The following EIF2AK2 variants were observed in gnomAD, a reference collection of about 807,000 sequenced individuals.
The protein encoded by EIF2AK2 is eukaryotic translation initiation factor 2 alpha kinase 2.
In EIF2AK2, 40 loss-of-function variants were observed where a neutral mutation model predicts 70.5. The ratio of observed to expected loss-of-function variants is 0.57; its 90% CI spans 0.44 to 0.74. The LOEUF is 0.74. Ranked by LOEUF, EIF2AK2 falls within the 30% of genes least tolerant of loss-of-function variation. The pLI is 0.00. For missense variants in EIF2AK2, 555 were observed against 644.3 expected, an observed-to-expected ratio of 0.86 and a Z score of 1.50; for synonymous variants, 198 against 220.9, an observed-to-expected ratio of 0.90 and a Z score of 0.92.
chr2:37,155,773 T>C (rs993137116), intron 1 of EIF2AK2, among the ~76,000 whole-genome samples: 1 of 151,994 alleles, frequency 6.6e-6, no homozygotes, highest in African/African-American at 2.4e-5. Flanking sequence ...AAACCCTGTC[T>C]CTACTAAAAA....
chr2:37,122,813 T>G, intron 11 of EIF2AK2, 149 bp from the exon 12 acceptor site: 1 of 1,013,034 alleles, frequency 9.9e-7, no homozygotes, highest in East Asian at 2.6e-5. Context: ...AGCCAGGACA[T>G]TCAAAAGGAA....
chr2:37,111,424 A>T (rs1222394034), intron 14 of EIF2AK2, among the ~76,000 whole-genome samples: 1 of 145,018 alleles, frequency 6.9e-6, no homozygotes, highest in Non-Finnish European at 1.5e-5. Flanking sequence ...CTTCAGATGG[A>T]GTCTCATTCC....
rs111797250 is a variant in EIF2AK2, at chr2:37,139,496, C to T, written c.516+135G>A. The T allele has an allele frequency of 6.0e-5, 76 of 1,271,916 alleles. No homozygotes were observed. The African/African-American group carries it at 6.0e-4, about 10-fold the overall frequency. 78.8% of individuals were successfully genotyped at this position (1,271,916 alleles called of 1,614,324 possible). A position where few individuals can be genotyped will look rare whatever the true frequency, so the allele number is the denominator to read the frequency against. ...CATGGCCCCATGGTGCATGGCTCAT[C>T]GGTACGACACAGAATGGAGGAATCA... On this transcript the variant is annotated intron_variant, in intron 6 of 16. Coordinates refer to ENST00000233057, the MANE Select transcript of EIF2AK2 (RefSeq NM_001135651.3).
chr2:37,119,732 C>T (rs1170116474), intron 13 of EIF2AK2, among the ~76,000 whole-genome samples: 1 of 151,324 alleles, frequency 6.6e-6, no homozygotes. Context: ...GCTGGGATTA[C>T]AGGCGCACGC....
At chr2:37,131,811 G>T (rs1189524814) in intron 10 of EIF2AK2, among the ~76,000 whole-genome samples, 2 of 152,118 alleles carry the variant, frequency 1.3e-5, no homozygotes, top group East Asian at 1.9e-4. Flanking sequence ...AGTTGTAGAG[G>T]CTGCCCCCTT....
In EIF2AK2 at chr2:37,146,859, T is replaced by C. The variant is rs1167218920; in HGVS notation, c.234A>G (p.Glu78=). Residue 78 remains glutamate (E), a synonymous_variant, in exon 4 of 17, where the codon GAA becomes GAG. Transcript: ENST00000233057. ...AAAAAAGGCAATCACTCACCTTCTT[T>C]TCCTTATTAAGTATCTCAACAGCTA... ...AKLAVEILNK[E]KKAVSPLLLT... 1 of 1,613,366 alleles carries C rather than the reference T, an allele frequency of 6.2e-7. No individual in the cohort carries two copies. The highest frequency in any genetic ancestry group is 8.5e-7 in the Non-Finnish European group (1 of 1,179,852).
chr2:37,147,292 G>C (rs1675580497), intron 3 of EIF2AK2, among the ~76,000 whole-genome samples: 2 of 151,574 alleles, frequency 1.3e-5, no homozygotes, highest in Admixed American at 6.6e-5. Flanking sequence ...CATTTATAAG[G>C]TCATATCTTT....
rs537555915 is a variant in EIF2AK2, at chr2:37,128,748, C to A, written c.786-2337G>T. The stretch of plus-strand genomic sequence containing the variant: ...TGATTATAATAACTCCATAATAAAG[C>A]CCCTATACAAAATCCAGTGGCCAAT... On this transcript the variant is annotated intron_variant, in intron 10 of 16. Coordinates refer to ENST00000233057, the MANE Select transcript of EIF2AK2 (RefSeq NM_001135651.3). 3.9e-5 allele frequency among the ~76,000 whole-genome samples: 6 copies of A among 152,276 alleles called. No individual in the cohort carries two copies. In the South Asian group the frequency reaches 1.2e-3, roughly 32 times the overall value.
At chr2:37,150,920 T>C (rs1332824361) in intron 1 of EIF2AK2, among the ~76,000 whole-genome samples, 1 of 152,184 alleles carries the variant, frequency 6.6e-6, no homozygotes, top group African/African-American at 2.4e-5. Flanking sequence ...GGACCAAGTC[T>C]ATAGCAATGA....
At chr2:37,135,597 T>C in intron 9 of EIF2AK2, 51 bp from the exon 10 acceptor site, 1 of 1,494,406 alleles carries the variant, frequency 6.7e-7, no homozygotes, top group Non-Finnish European at 9.2e-7. Context: ...AAATCAAATA[T>C]AACTTATTTA....
At chr2:37,124,626 A>G (rs1674670624) in intron 11 of EIF2AK2, among the ~76,000 whole-genome samples, 1 of 151,734 alleles carries the variant, frequency 6.6e-6, no homozygotes, top group Non-Finnish European at 1.5e-5. Context: ...ATATATACTC[A>G]TTTCTTTACT....
At chr2:37,111,929 C>CTA (rs1674172908) in intron 14 of EIF2AK2, among the ~76,000 whole-genome samples, 1 of 134,432 alleles carries the variant, frequency 7.4e-6, no homozygotes, top group Non-Finnish European at 1.6e-5. Flanking sequence ...AAATCTCTCT[C>CTA]TCTCTCTCTC....
Position 37,114,733 on chromosome 2 carries a change from G to T in EIF2AK2, c.1375C>A (p.Gln459Lys), listed in dbSNP as rs775992056. The change falls in exon 14 of 17, where the codon CAG becomes AAG. Residue 459 changes from glutamine to lysine, a missense_variant and splice_region_variant. Gln to Lys is a moderately conservative substitution (Grantham distance 53). This residue lies in a region of EIF2AK2 where 299 missense variants were observed against 375.4 expected (regional missense o/e 0.80). Transcript: ENST00000233057. Reference sequence around the variant, plus strand: ...GACAGACAGGAAAGAGACCTTACCTGTTCTGGGCTCATGTATCGCAAAGTT... The same window carrying T: ...GACAGACAGGAAAGAGACCTTACCTTTTCTGGGCTCATGTATCGCAAAGTT... ...KGTLRYMSPE[Q>K]ISSQDYGKEV... 3 of 1,579,098 alleles carry T rather than the reference G, an allele frequency of 1.9e-6. No homozygotes were observed. The highest frequency in any genetic ancestry group is 1.9e-5 in the Admixed American group (1 of 52,638).
chr2:37,141,885 C>T (rs899842400), intron 4 of EIF2AK2, among the ~76,000 whole-genome samples, 184 bp from the exon 5 acceptor site: 1 of 152,102 alleles, frequency 6.6e-6, no homozygotes, highest in Non-Finnish European at 1.5e-5. Context: ...AGAAAAAAAT[C>T]GACGAAGATA....
intron 1 of EIF2AK2, among the ~76,000 whole-genome samples, chr2:37,149,535 G>A (rs1428369747): frequency 6.0e-5 from 9 of 148,916 alleles, no homozygotes; most frequent in Non-Finnish European, 1.0e-4. Context: ...CATGTAGGGT[G>A]TAGGCAGGTC....
At chr2:37,128,817 G>C (rs1253692955) in intron 10 of EIF2AK2, among the ~76,000 whole-genome samples, 1 of 152,164 alleles carries the variant, frequency 6.6e-6, no homozygotes, top group Admixed American at 6.5e-5. Flanking sequence ...TGCCAACAGG[G>C]AGACAATGGC....
chr2:37,142,373 T>C (rs1675365202), intron 4 of EIF2AK2, among the ~76,000 whole-genome samples: 1 of 152,166 alleles, frequency 6.6e-6, no homozygotes, highest in South Asian at 2.1e-4. Flanking sequence ...GCTCAAGTTA[T>C]CTGCCCGCCT....
In EIF2AK2 at chr2:37,105,719, A is replaced by T. The variant is rs1673942734; in HGVS notation, c.*1554T>A. Reference sequence around the variant, plus strand: ...ATGCAATTTAAATTATCTTCTCTACAGCAATTCAGGACAACAAACTAGCAT... The same window carrying T: ...ATGCAATTTAAATTATCTTCTCTACTGCAATTCAGGACAACAAACTAGCAT... On this transcript the variant is annotated 3_prime_UTR_variant, in exon 17 of 17. Transcript: ENST00000233057. The T allele has an allele frequency of 6.6e-6, 1 of 152,264 alleles. No individual in the cohort carries two copies. 9.4% of individuals were successfully genotyped at this position (152,264 alleles called of 1,614,324 possible). A position where few individuals can be genotyped will look rare whatever the true frequency, so the allele number is the denominator to read the frequency against.
rs1673885287 is a variant in EIF2AK2 at position 37,103,729 on chromosome 2, A to G, written c.*3544T>C. 1 of 152,366 alleles carries G rather than the reference A, an allele frequency of 6.6e-6. No individual in the cohort carries two copies. The highest frequency in any genetic ancestry group is 2.1e-4 in the South Asian group (1 of 4,830). The allele number at this position is 152,366 out of a possible 1,614,324, so 9.4% of individuals were successfully genotyped here. ...AGATTTACCAATTGTACAATGGCTA[A>G]TATTTTGCCACATGTGTGCCCTCTT... On this transcript the variant is annotated 3_prime_UTR_variant, in exon 17 of 17. Coordinates refer to ENST00000233057, the MANE Select transcript of EIF2AK2 (RefSeq NM_001135651.3).
Sources: allele counts gnomAD v4.1 joint callset (sites outside exome capture counted in the v4.1 genomes callset), GRCh38; gene constraint gnomAD v4.1.1; regional missense constraint gnomAD v4.1.1; transcripts MANE v1.5; gene names NCBI Gene and HGNC (gene_info 2026-07-23, HGNC 2026-07-21).